ZDHHC21: variants seen among roughly 807,000 people sequenced by gnomAD.
ZDHHC21 encodes palmitoyltransferase ZDHHC21.
Under a neutral mutation model 34.6 loss-of-function variants are expected in ZDHHC21, and 15 were observed. The observed-to-expected ratio is 0.43, with a 90% CI of 0.29 to 0.67. The LOEUF is 0.67. Ranked by LOEUF, ZDHHC21 falls within the 30% of genes least tolerant of loss-of-function variation. The pLI is 0.14. For missense variants in ZDHHC21, 344 were observed against 327.7 expected, an observed-to-expected ratio of 1.05 and a Z score of -0.38; for synonymous variants, 142 against 101.8, an observed-to-expected ratio of 1.40 and a Z score of -2.38.
At chr9:14,619,558 C>G in intron 9 of ZDHHC21, 81 bp downstream of exon 9, 1 of 1,101,248 alleles carries the variant, frequency 9.1e-7, no homozygotes, top group Non-Finnish European at 1.3e-6. Flanking sequence ...TATTATCTAT[C>G]TACCATATGC....
At chr9:14,607,750 G>A (rs1823061568), downstream of ZDHHC21, among the ~76,000 whole-genome samples, 1 of 152,148 alleles carries the variant, frequency 6.6e-6, no homozygotes, top group Admixed American at 6.5e-5. Context: ...TACATACCAT[G>A]TTTAAAACAG....
chr9:14,640,287 G>A (rs930857022), intron 7 of ZDHHC21, among the ~76,000 whole-genome samples: 1 of 101,576 alleles, frequency 9.8e-6, no homozygotes, highest in East Asian at 2.7e-4. Context: ...AGCCTTGTTT[G>A]TTTTTTGAAC....
At chr9:14,669,580 A>G (rs1835089294) in intron 5 of ZDHHC21, among the ~76,000 whole-genome samples, 1 of 148,958 alleles carries the variant, frequency 6.7e-6, no homozygotes, top group South Asian at 2.1e-4. Flanking sequence ...CATTATTCAC[A>G]ATAGCAAAGA....
the ZDHHC21 span, among the ~76,000 whole-genome samples, chr9:14,602,877 T>C: frequency 7.6e-6 from 1 of 132,294 alleles, no homozygotes; most frequent in Non-Finnish European, 1.5e-5. Context: ...GAAGTTATGA[T>C]CATGCCACTG....
chr9:14,690,381 T>A lies in ZDHHC21; in HGVS notation c.-220A>T, dbSNP rs767931516. 1 of 456,124 alleles carries A rather than the reference T, an allele frequency of 2.2e-6. No individual in the cohort carries two copies. The highest frequency in any genetic ancestry group is 4.4e-6 in the Non-Finnish European group (1 of 226,768). 28.3% of individuals were successfully genotyped at this position (456,124 alleles called of 1,614,324 possible). On this transcript the variant is annotated 5_prime_UTR_variant, in exon 2 of 10. The change creates a premature stop within an existing upstream ORF in the 5' untranslated region. Coordinates refer to ENST00000380916, the MANE Select transcript of ZDHHC21 (RefSeq NM_178566.6). ...ATCCTGCAGTAAGTGAAAAAGTTCT[T>A]CATTCTGTAATTACAGATAAAAAGC...
intron 7 of ZDHHC21, among the ~76,000 whole-genome samples, chr9:14,640,405 T>C (rs1380697554): frequency 1.3e-5 from 2 of 151,984 alleles, no homozygotes; most frequent in Non-Finnish European, 2.9e-5. Context: ...GGAATTTTAT[T>C]ATTTCTCTGC....
At position 14,653,154 on chromosome 9, in the gene ZDHHC21, G is replaced by C. The variant is rs147874934; in HGVS notation, c.504+5595C>G. ...TATTCCATATCCTGAATAATAGAAA[G>C]GATAATAAGATGAAGTTCCTGATAC... On this transcript the variant is annotated intron_variant, in intron 7 of 9. Coordinates refer to ENST00000380916, the MANE Select transcript of ZDHHC21 (RefSeq NM_178566.6). Among the ~76,000 whole-genome samples, 14 of 151,906 alleles carry C rather than the reference G, an allele frequency of 9.2e-5. No individual in the cohort carries two copies. The East Asian group carries it at 2.7e-3, about 29-fold the overall frequency.
At chr9:14,610,687 G>A (rs1331424536), downstream of ZDHHC21, among the ~76,000 whole-genome samples, 2 of 151,762 alleles carry the variant, frequency 1.3e-5, no homozygotes, top group East Asian at 1.9e-4. Flanking sequence ...ATAGTGCCTA[G>A]GTGTAAACTT....
At chr9:14,662,106 T>C (rs1473772336) in intron 6 of ZDHHC21, 109 bp downstream of exon 6, 52 of 639,026 alleles carry the variant, frequency 8.1e-5, no homozygotes. Flanking sequence ...ATTAAGATAT[T>C]GTAAAACTAT....
At chr9:14,640,070 C>A in intron 7 of ZDHHC21, 58 bp from the exon 8 acceptor site, 3 of 888,590 alleles carry the variant, frequency 3.4e-6, no homozygotes, top group South Asian at 3.6e-5. Flanking sequence ...TGCTTACAGT[C>A]GCAATAATAA....
chr9:14,658,724 G>A, intron 7 of ZDHHC21, 25 bp downstream of exon 7: 2 of 1,607,536 alleles, frequency 1.2e-6, no homozygotes, highest in African/African-American at 1.3e-5. Context: ...GCCCGCCTCG[G>A]CCTCCCAATA....
chr9:14,628,852 G>A (rs577721112), intron 8 of ZDHHC21, among the ~76,000 whole-genome samples: 4 of 151,888 alleles, frequency 2.6e-5, no homozygotes, highest in Non-Finnish European at 4.4e-5. Flanking sequence ...TAATTCATTC[G>A]ATTTAAAATT....
At chr9:14,690,295 T>C (rs1000092173) in intron 2 of ZDHHC21, 42 bp downstream of exon 2, 1 of 445,598 alleles carries the variant, frequency 2.2e-6, no homozygotes, top group African/African-American at 2.0e-5. Context: ...AAAGCAGCCA[T>C]GATTTAAGAA....
chr9:14,610,441 T>C (rs1045356447), downstream of ZDHHC21, among the ~76,000 whole-genome samples: 1 of 151,992 alleles, frequency 6.6e-6, no homozygotes, highest in Non-Finnish European at 1.5e-5. Flanking sequence ...TATTTGCAAA[T>C]CTATCAAATA....
At chr9:14,678,840 AT>A (rs1183531072) in intron 3 of ZDHHC21, among the ~76,000 whole-genome samples, 1 of 151,950 alleles carries the variant, frequency 6.6e-6, no homozygotes, top group African/African-American at 2.4e-5. Flanking sequence ...AGCTATTGCA[AT>A]TTTTTTTAAG....
chr9:14,602,490 C>CAGA, the ZDHHC21 span, among the ~76,000 whole-genome samples: 1 of 151,694 alleles, frequency 6.6e-6, no homozygotes, highest in Admixed American at 6.6e-5. Flanking sequence ...TGCAGTGATT[C>CAGA]CCAAGTATAT....
chr9:14,599,427 C>G, the ZDHHC21 span, among the ~76,000 whole-genome samples: 1 of 152,178 alleles, frequency 6.6e-6, no homozygotes, highest in East Asian at 1.9e-4. Flanking sequence ...AGACATTACA[C>G]TTTTTTCATG....
intron 5 of ZDHHC21, among the ~76,000 whole-genome samples, chr9:14,664,894 G>A (rs1388606790): frequency 1.3e-5 from 2 of 151,426 alleles, no homozygotes; most frequent in Non-Finnish European, 2.9e-5. Context: ...CACAAAGATG[G>A]GGAAAAAACA....
At chr9:14,638,544 C>CT (rs1828712745) in intron 8 of ZDHHC21, among the ~76,000 whole-genome samples, 1 of 151,726 alleles carries the variant, frequency 6.6e-6, no homozygotes, top group Admixed American at 6.6e-5. Context: ...AAATGGGACT[C>CT]TATTAAATTA....
Sources: allele counts gnomAD v4.1 joint callset (sites outside exome capture counted in the v4.1 genomes callset), GRCh38; gene constraint gnomAD v4.1.1; transcripts MANE v1.5; gene names NCBI Gene and HGNC (gene_info 2026-07-23, HGNC 2026-07-21).